TSNARE1: variants seen among roughly 807,000 people sequenced by gnomAD.
TSNARE1 encodes the protein t-SNARE domain containing 1.
TSNARE1 carries 49 observed loss-of-function variants against 62.0 expected under a neutral mutation model. That is an observed-to-expected ratio of 0.79 (90% CI 0.63 to 1.00). The LOEUF is 1.00. TSNARE1 is among the 50% of genes least tolerant of loss of function. The pLI is 0.00. For synonymous variants in TSNARE1, 328 were observed against 294.4 expected, an observed-to-expected ratio of 1.11 and a Z score of -1.17; for missense variants, 755 against 700.1, an observed-to-expected ratio of 1.08 and a Z score of -0.88.
chr8:142,315,376 A>G (rs1424219765), intron 7 of TSNARE1, among the ~76,000 whole-genome samples: 1 of 152,238 alleles, frequency 6.6e-6, no homozygotes, highest in Non-Finnish European at 1.5e-5. Context: ...CGCGAGCAGC[A>G]CTGTGACTCC....
intron 6 of TSNARE1, among the ~76,000 whole-genome samples, chr8:142,329,910 C>T (rs113023409): frequency 5.8e-4 from 88 of 152,376 alleles, no homozygotes; most frequent in Non-Finnish European, 1.1e-3. Flanking sequence ...GTGCGTGAGG[C>T]TGTGTGGCAG....
At chr8:142,340,603 T>C (rs1040354108) in intron 4 of TSNARE1, among the ~76,000 whole-genome samples, 2 of 150,634 alleles carry the variant, frequency 1.3e-5, no homozygotes, top group African/African-American at 4.9e-5. Context: ...GTGACTATTA[T>C]GTCAATAAAG....
At chr8:142,282,339 A>C (rs1017896750) in intron 11 of TSNARE1, among the ~76,000 whole-genome samples, 3 of 152,234 alleles carry the variant, frequency 2.0e-5, no homozygotes, top group African/African-American at 7.2e-5. Flanking sequence ...GAGGCCCAGG[A>C]TGAAGGCGTG....
At chr8:142,326,657 C>A (rs1359135574) in intron 6 of TSNARE1, among the ~76,000 whole-genome samples, 1 of 148,132 alleles carries the variant, frequency 6.8e-6, no homozygotes, top group Non-Finnish European at 1.5e-5. Flanking sequence ...CCAGCACCAG[C>A]GAAGGGGAGG....
chr8:142,320,796 G>A (rs1586787988), intron 6 of TSNARE1, among the ~76,000 whole-genome samples: 1 of 152,230 alleles, frequency 6.6e-6, no homozygotes, highest in Admixed American at 6.5e-5. Context: ...GGCAGGTCAC[G>A]ACTCACACTT....
At position 142,222,543 on chromosome 8, in the gene TSNARE1, TTCAC is replaced by T. The variant is rs1224713872; in HGVS notation, c.*11+6926_*11+6929del. Among the ~76,000 whole-genome samples the T allele has an allele frequency of 9.3e-4, 58 of 62,044 alleles. 16 individuals are homozygous for T. Among genetic ancestry groups the T allele is most frequent in the African/African-American group, 4.4e-3 (49 of 11,228 alleles). The allele number at this position is 62,044 out of a possible 152,430, so 40.7% of individuals were successfully genotyped here. ...ACTCATCCACTCACTCACTCACTCA[TTCAC>T]TCACTCACTCACTCATTCACTCACT... is the stretch of plus-strand genomic sequence containing the variant. On this transcript the variant is annotated intron_variant, in intron 13 of 13. Coordinates refer to ENST00000524325, the MANE Select transcript of TSNARE1 (RefSeq NM_145003.5).
rs6583620 is a variant in TSNARE1 at position 142,368,734 on chromosome 8, G to A, written c.-39-13971C>T. Among the ~76,000 whole-genome samples the A allele has an allele frequency of 6.6e-5, 10 of 152,010 alleles. 1 individual carries two copies. The highest frequency in any genetic ancestry group is 1.2e-4 in the African/African-American group (5 of 41,356). ...AGGTGCCAGCAGACGGCAGACGGGCGGCCCTGCAGCTCAAAGACAGGAAGC... is the reference window on the plus strand; with the variant it reads ...AGGTGCCAGCAGACGGCAGACGGGCAGCCCTGCAGCTCAAAGACAGGAAGC... On this transcript the variant is annotated intron_variant, in intron 1 of 13. Transcript: ENST00000524325.
intron 12 of TSNARE1, chr8:142,269,662 A>G: frequency 2.0e-6 from 2 of 985,316 alleles, no homozygotes; most frequent in Non-Finnish European, 2.4e-6. Flanking sequence ...AAGAACCCAG[A>G]ATGAAGATCT....
chr8:142,235,549 T>C (rs963297277), intron 12 of TSNARE1, among the ~76,000 whole-genome samples: 1 of 152,144 alleles, frequency 6.6e-6, no homozygotes, highest in Admixed American at 6.6e-5. Flanking sequence ...AAAAGAATTA[T>C]TCAAAATCGG....
At chr8:142,305,082 G>A (rs999637918) in intron 9 of TSNARE1, among the ~76,000 whole-genome samples, 39 of 152,334 alleles carry the variant, frequency 2.6e-4, no homozygotes, top group Non-Finnish European at 2.9e-4. Flanking sequence ...CACAGGCGAG[G>A]GGGCTGGAGG....
chr8:142,281,586 G>A (rs369360111), intron 11 of TSNARE1, among the ~76,000 whole-genome samples: 1 of 152,004 alleles, frequency 6.6e-6, no homozygotes, highest in Non-Finnish European at 1.5e-5. Context: ...AGCGCATGGA[G>A]TCAGAACTGG....
chr8:142,355,788 C>T lies in TSNARE1; in HGVS notation c.-39-1025G>A, dbSNP rs1214828405. On this transcript the variant is annotated intron_variant, in intron 1 of 13. Coordinates refer to ENST00000524325, the MANE Select transcript of TSNARE1 (RefSeq NM_145003.5). ...AGGTTTCAGAGCAAAGTGAGCCTCA[C>T]GCCAGCTGAGTACAGACCCAAGTCC... Among the ~76,000 whole-genome samples, 6 of 152,208 alleles carry T rather than the reference C, an allele frequency of 3.9e-5. No individual in the cohort carries two copies. The East Asian group carries it at 7.7e-4, about 20-fold the overall frequency.
chr8:142,292,802 G>A (rs1824022342), intron 10 of TSNARE1, among the ~76,000 whole-genome samples: 1 of 152,118 alleles, frequency 6.6e-6, no homozygotes, highest in Admixed American at 6.5e-5. Context: ...GCCTTTCAGA[G>A]CCCCAAACAG....
intron 12 of TSNARE1, among the ~76,000 whole-genome samples, chr8:142,248,721 C>T (rs1366652178): frequency 6.6e-6 from 1 of 152,126 alleles, no homozygotes; most frequent in Non-Finnish European, 1.5e-5. Flanking sequence ...GGAGGGGAAG[C>T]AGGGCATCCT....
intron 11 of TSNARE1, chr8:142,278,681 A>C: frequency 1.0e-6 from 1 of 985,378 alleles, no homozygotes; most frequent in Non-Finnish European, 1.2e-6. Context: ...ACGAGGCCTG[A>C]CCAGACAGAA....
At chr8:142,273,878 G>C (rs1319886031) in intron 12 of TSNARE1, 19 of 985,216 alleles carry the variant, frequency 1.9e-5, no homozygotes, top group Non-Finnish European at 2.2e-5. Context: ...GCGTCCTGGG[G>C]ATGTGGCTCC....
chr8:142,300,984 G>GC (rs1258200654), intron 9 of TSNARE1, among the ~76,000 whole-genome samples: 2 of 81,228 alleles, frequency 2.5e-5, no homozygotes, highest in Non-Finnish European at 5.2e-5. Context: ...TGCTGCGGCC[G>GC]CCCCCTCCAG....
intron 1 of TSNARE1, among the ~76,000 whole-genome samples, chr8:142,382,943 C>A (rs1484733928): frequency 6.6e-6 from 1 of 152,180 alleles, no homozygotes; most frequent in African/African-American, 2.4e-5. Flanking sequence ...CTCTTCACCA[C>A]TGTGCTGGAA....
intron 12 of TSNARE1, among the ~76,000 whole-genome samples, chr8:142,268,573 C>T (rs1412419602): frequency 2.0e-5 from 3 of 152,260 alleles, no homozygotes; most frequent in Admixed American, 6.5e-5. Context: ...CTGCCTACCC[C>T]AGCATCCAGT....
Sources: allele counts gnomAD v4.1 joint callset (sites outside exome capture counted in the v4.1 genomes callset), GRCh38; gene constraint gnomAD v4.1.1; transcripts MANE v1.5; gene names NCBI Gene and HGNC (gene_info 2026-07-23, HGNC 2026-07-21).